AFF1: variants seen among roughly 807,000 people sequenced by gnomAD.
AFF1 encodes the protein AF4/FMR2 family member 1.
A neutral mutation model predicts 121.7 loss-of-function variants in AFF1; 48 were observed. The ratio of observed to expected loss-of-function variants is 0.39; its 90% CI spans 0.31 to 0.50. AFF1 has a LOEUF of 0.50. AFF1 is among the 20% of genes least tolerant of loss of function. AFF1 has a pLI of 0.76. For synonymous variants in AFF1, 613 were observed against 563.0 expected (o/e 1.09, Z -1.26); for missense variants, 1,523 against 1,511.7 (o/e 1.01, Z -0.12).
chr4:86,962,201 G>A lies in AFF1; in HGVS notation c.38+13630G>A, dbSNP rs76257084. Among the ~76,000 whole-genome samples, 34 of 141,550 alleles carry A rather than the reference G, an allele frequency of 2.4e-4. No homozygotes were observed. In the East Asian group the frequency reaches 6.1e-3, roughly 25 times the overall value. 92.9% of individuals were successfully genotyped at this position (141,550 alleles called of 152,430 possible). A position where few individuals can be genotyped will look rare whatever the true frequency, so the allele number is the denominator to read the frequency against. ...GTCCTCAACCTGGAGTAGTGACTCTGGTGAGTAGAACACTTCTTACAGGCT... is the reference window on the plus strand; with the variant it reads ...GTCCTCAACCTGGAGTAGTGACTCTAGTGAGTAGAACACTTCTTACAGGCT... On this transcript the variant is annotated intron_variant, in intron 2 of 20. Coordinates refer to ENST00000395146, the MANE Select transcript of AFF1 (RefSeq NM_001166693.3).
intron 12 of AFF1, among the ~76,000 whole-genome samples, chr4:87,123,594 G>A (rs1472111126): frequency 6.6e-6 from 1 of 152,202 alleles, no homozygotes; most frequent in Admixed American, 6.5e-5. Context: ...ATGAATAAAA[G>A]TGTCTTTTCC....
intron 2 of AFF1, among the ~76,000 whole-genome samples, chr4:86,954,388 T>C (rs1207115256): frequency 6.6e-6 from 1 of 152,184 alleles, no homozygotes; most frequent in Non-Finnish European, 1.5e-5. Flanking sequence ...TATTAAGTAG[T>C]GTATTCTTAC....
rs1464617499 is a variant in AFF1, at chr4:87,138,895, T to G, written c.*3194T>G. The G allele has an allele frequency of 4.4e-6, 1 of 228,422 alleles. No homozygotes were observed. The highest frequency in any genetic ancestry group is 5.7e-5 in the Admixed American group (1 of 17,612). The allele number at this position is 228,422 out of a possible 1,614,324, so 14.1% of individuals were successfully genotyped here. A position where few individuals can be genotyped will look rare whatever the true frequency, so the allele number is the denominator to read the frequency against. ...TCCCTTACACAGATTGGACCGCACT[T>G]ATCTCCCTTGTCCTGTATCCTTTAA... On this transcript the variant is annotated 3_prime_UTR_variant, in exon 21 of 21. Transcript: ENST00000395146.
At chr4:87,080,559 G>A (rs961994202) in intron 4 of AFF1, among the ~76,000 whole-genome samples, 3 of 152,186 alleles carry the variant, frequency 2.0e-5, no homozygotes, top group African/African-American at 7.2e-5. Context: ...AGAGCCAGGT[G>A]CAGTGTCACA....
At chr4:87,007,021 G>A in intron 2 of AFF1, 1 of 1,141,572 alleles carries the variant, frequency 8.8e-7, no homozygotes, top group Non-Finnish European at 1.1e-6. Context: ...TGTGGCCCGC[G>A]TTGTGCTGTT....
chr4:87,019,546 T>A (rs1198662558), intron 2 of AFF1, among the ~76,000 whole-genome samples: 1 of 152,208 alleles, frequency 6.6e-6, no homozygotes, highest in African/African-American at 2.4e-5. Context: ...TACATGGTTG[T>A]CAATCTTGCC....
intron 7 of AFF1, among the ~76,000 whole-genome samples, chr4:87,094,438 A>G (rs778595205): frequency 2.0e-5 from 3 of 152,194 alleles, no homozygotes; most frequent in African/African-American, 7.2e-5. Context: ...GAGGTAGTCT[A>G]TAAATAGCTG....
chr4:87,037,912 G>A (rs550458685), intron 2 of AFF1, among the ~76,000 whole-genome samples: 103 of 152,268 alleles, frequency 6.8e-4, no homozygotes, highest in African/African-American at 2.3e-3. Flanking sequence ...ATGGCAAGAA[G>A]TTATGTGGGC....
chr4:87,111,001 T>TATTTTATTTTA, intron 11 of AFF1, among the ~76,000 whole-genome samples: 1 of 85,360 alleles, frequency 1.2e-5, no homozygotes, highest in African/African-American at 5.4e-5. Flanking sequence ...AAACTTTATT[T>TATTTTATTTTA]TTTTTTTTTT....
At chr4:87,060,196 T>G (rs1167127619) in intron 4 of AFF1, among the ~76,000 whole-genome samples, 1 of 152,216 alleles carries the variant, frequency 6.6e-6, no homozygotes, top group Non-Finnish European at 1.5e-5. Context: ...TTAGGAATTT[T>G]TAGTTGAGTT....
chr4:86,968,719 T>C (rs1722704636), intron 2 of AFF1, among the ~76,000 whole-genome samples: 1 of 152,176 alleles, frequency 6.6e-6, no homozygotes, highest in Admixed American at 6.5e-5. Flanking sequence ...GAAACTGCTA[T>C]ATAAATCACG....
At chr4:87,091,568 C>G (rs917749330) in intron 6 of AFF1, among the ~76,000 whole-genome samples, 3 of 152,096 alleles carry the variant, frequency 2.0e-5, no homozygotes, top group African/African-American at 4.8e-5. Context: ...ATATTTTCAA[C>G]TTATGCATGA....
At chr4:87,047,853 C>T (rs926800206) in intron 4 of AFF1, 3 of 554,544 alleles carry the variant, frequency 5.4e-6, no homozygotes, top group Non-Finnish European at 9.8e-6. Flanking sequence ...TACAGTAAAA[C>T]ATAGAGATCA....
intron 8 of AFF1, among the ~76,000 whole-genome samples, chr4:87,097,486 CAG>C (rs1262935858): frequency 6.6e-6 from 1 of 152,206 alleles, no homozygotes; most frequent in Admixed American, 6.5e-5. Flanking sequence ...CCACTCAAAT[CAG>C]AGGTGCCTGA....
intron 2 of AFF1, among the ~76,000 whole-genome samples, chr4:87,036,600 C>G (rs2149592341): frequency 6.6e-6 from 1 of 152,278 alleles, no homozygotes; most frequent in Non-Finnish European, 1.5e-5. Flanking sequence ...TCCAACCACA[C>G]AGTTTTCCTT....
At chr4:87,034,968 A>G (rs561392481) in intron 2 of AFF1, among the ~76,000 whole-genome samples, 1 of 152,350 alleles carries the variant, frequency 6.6e-6, no homozygotes, top group South Asian at 2.1e-4. Flanking sequence ...AACCCTCGGA[A>G]TAGTCTGTGC....
chr4:87,014,401 G>C (rs1245264396), intron 2 of AFF1, among the ~76,000 whole-genome samples: 1 of 152,182 alleles, frequency 6.6e-6, no homozygotes, highest in African/African-American at 2.4e-5. Flanking sequence ...CGAAATGAAA[G>C]TTTTGTTTTT....
chr4:87,085,477 A>C (rs1723635134), intron 5 of AFF1, among the ~76,000 whole-genome samples: 1 of 151,704 alleles, frequency 6.6e-6, no homozygotes, highest in African/African-American at 2.4e-5. Flanking sequence ...GTATATAATA[A>C]ATGTGACTGT....
chr4:87,083,721 T>C (rs1323705242), intron 4 of AFF1, among the ~76,000 whole-genome samples: 1 of 152,240 alleles, frequency 6.6e-6, no homozygotes, highest in African/African-American at 2.4e-5. Context: ...CCATCATTAC[T>C]GTGTTTCCCC....
Sources: gnomAD v4.1 joint callset for allele counts (sites outside exome capture counted in the v4.1 genomes callset) on GRCh38, gnomAD v4.1.1 for gene constraint, MANE v1.5 for transcripts, NCBI Gene and HGNC (gene_info 2026-07-23, HGNC 2026-07-21) for gene names.